The following AUTS2 variants were observed in gnomAD, a reference collection of about 807,000 sequenced individuals.
AUTS2 encodes activator of transcription and developmental regulator AUTS2.
AUTS2 carries 17 observed loss-of-function variants against 112.4 expected under a neutral mutation model. The observed-to-expected ratio is 0.15, with a 90% CI of 0.10 to 0.23. AUTS2 has a LOEUF of 0.23. Ranked by LOEUF, AUTS2 falls within the 10% of genes least tolerant of loss-of-function variation. The probability of loss-of-function intolerance (pLI) is 1.00; values close to 1 mark genes in which losing one functional copy is unlikely to be tolerated. For missense variants in AUTS2, 1,510 were observed against 1,701.6 expected (o/e 0.89, Z 1.98); for synonymous variants, 751 against 702.7 (o/e 1.07, Z -1.09).
intron 1 of AUTS2, among the ~76,000 whole-genome samples, chr7:69,677,519 A>G (rs1453344869): frequency 1.3e-5 from 2 of 152,148 alleles, no homozygotes; most frequent in Non-Finnish European, 2.9e-5. Flanking sequence ...AGGAAAAAAG[A>G]TGGTATCTTG....
chr7:70,686,601 A>G (rs1436348940), intron 5 of AUTS2, among the ~76,000 whole-genome samples: 1 of 151,706 alleles, frequency 6.6e-6, no homozygotes, highest in East Asian at 1.9e-4. Flanking sequence ...CAGTGGCGCA[A>G]TCTCAGCTTA....
chr7:70,110,906 C>CA (rs1353561385), intron 2 of AUTS2, among the ~76,000 whole-genome samples: 14 of 138,572 alleles, frequency 1.0e-4, no homozygotes, highest in African/African-American at 3.3e-4. Context: ...TCTGTCGCCC[C>CA]AGTCGCCCAG....
intron 4 of AUTS2, among the ~76,000 whole-genome samples, chr7:70,366,820 G>A (rs772088282): frequency 6.6e-6 from 1 of 152,178 alleles, no homozygotes. Context: ...TAACCCCAAA[G>A]ACTGCATGGG....
intron 4 of AUTS2, among the ~76,000 whole-genome samples, chr7:70,162,828 A>G (rs1157517116): frequency 6.6e-6 from 1 of 152,232 alleles, no homozygotes; most frequent in Non-Finnish European, 1.5e-5. Context: ...AACATTTGGT[A>G]AACCTCTTTG....
At chr7:69,910,636 T>G (rs1748391918) in intron 2 of AUTS2, among the ~76,000 whole-genome samples, 1 of 152,188 alleles carries the variant, frequency 6.6e-6, no homozygotes, top group Non-Finnish European at 1.5e-5. Flanking sequence ...TATTTTATTT[T>G]TTATTTCTTT....
In AUTS2 at chr7:70,784,695, C is replaced by G. The variant is rs532597100; in HGVS notation, c.2147-247C>G. ...AGAAATACCTGTTTTTGGTGGTGGC[C>G]AGCCACGCTGGGAAAGAGAAAGAGG... On this transcript the variant is annotated intron_variant, in intron 15 of 18. Transcript: ENST00000342771. 1.2e-5 allele frequency: 6 copies of G among 510,876 alleles called. No homozygotes were observed. The South Asian group carries it at 1.5e-4, about 13-fold the overall frequency. 31.6% of individuals were successfully genotyped at this position (510,876 alleles called of 1,614,324 possible).
rs563310457 is a variant in AUTS2, at chr7:70,416,280, A to G, written c.661-19472A>G. Reference sequence around the variant, plus strand: ...AATAGCATAACTACAACAACCCATCACACTTTGGAAATAAATTTGTTTCAT... The same window carrying G: ...AATAGCATAACTACAACAACCCATCGCACTTTGGAAATAAATTTGTTTCAT... On this transcript the variant is annotated intron_variant, in intron 4 of 18. Transcript: ENST00000342771. Among the ~76,000 whole-genome samples the G allele has an allele frequency of 5.9e-5, 9 of 152,272 alleles. No homozygotes were observed. In the East Asian group the frequency reaches 1.7e-3, roughly 29 times the overall value.
rs150899826 is a variant in AUTS2 at position 70,647,394 on chromosome 7, C to T, written c.691-51175C>T. The stretch of plus-strand genomic sequence containing the variant: ...CCTGAATGTGCCTGGACAAGATGAC[C>T]GGTAAAGGCCATTCCAGCTCTCTGT... On this transcript the variant is annotated intron_variant, in intron 5 of 18. Coordinates refer to ENST00000342771, the MANE Select transcript of AUTS2 (RefSeq NM_015570.4). Among the ~76,000 whole-genome samples, 943 of 152,314 alleles carry T rather than the reference C, an allele frequency of 6.2e-3. 7 individuals are homozygous for T. Among genetic ancestry groups the T allele is most frequent in the Non-Finnish European group, 9.8e-3 (669 of 68,036 alleles).
chr7:70,663,944 G>T (rs1807204839), intron 5 of AUTS2, among the ~76,000 whole-genome samples: 1 of 152,188 alleles, frequency 6.6e-6, no homozygotes, highest in Non-Finnish European at 1.5e-5. Flanking sequence ...CACATTGTCA[G>T]TGGTGAATGC....
At position 69,641,779 on chromosome 7, in the gene AUTS2, A is replaced by C. The variant is rs535565047; in HGVS notation, c.309+41817A>C. 5.9e-5 allele frequency among the ~76,000 whole-genome samples: 9 copies of C among 152,354 alleles called. No individual in the cohort carries two copies. The East Asian group carries it at 1.7e-3, about 29-fold the overall frequency. ...ATGTTCCATAGTCATTAGTTTTTAC[A>C]GAACCCTTTTCTTATATTCTGCATT... On this transcript the variant is annotated intron_variant, in intron 1 of 18. Transcript: ENST00000342771.
At chr7:70,035,467 T>G (rs1056702886) in intron 2 of AUTS2, among the ~76,000 whole-genome samples, 6 of 152,242 alleles carry the variant, frequency 3.9e-5, no homozygotes, top group Non-Finnish European at 4.4e-5. Flanking sequence ...GAGGCATTGC[T>G]GTTTTTATCA....
intron 4 of AUTS2, among the ~76,000 whole-genome samples, chr7:70,244,754 G>T (rs1212567436): frequency 6.6e-6 from 1 of 152,172 alleles, no homozygotes. Context: ...AATTTTCGGT[G>T]AAAGGGAATG....
chr7:69,693,571 A>G (rs951115911), intron 1 of AUTS2, among the ~76,000 whole-genome samples: 1 of 152,170 alleles, frequency 6.6e-6, no homozygotes, highest in Admixed American at 6.5e-5. Context: ...TACCTTTAAG[A>G]TTCCTGCATT....
intron 2 of AUTS2, among the ~76,000 whole-genome samples, chr7:69,967,773 G>GGTTCTATGTTAAGTTC (rs1235844733): frequency 6.6e-6 from 1 of 152,074 alleles, no homozygotes; most frequent in Admixed American, 6.6e-5. Flanking sequence ...AAGTCAAGCT[G>GGTTCTATGTTAAGTTC]GTTCTATGTT....
At chr7:70,401,529 T>G (rs1794326501) in intron 4 of AUTS2, among the ~76,000 whole-genome samples, 1 of 152,100 alleles carries the variant, frequency 6.6e-6, no homozygotes, top group Non-Finnish European at 1.5e-5. Context: ...GAGCAAGAAG[T>G]GGGCTGTGAT....
intron 4 of AUTS2, among the ~76,000 whole-genome samples, chr7:70,255,636 C>T (rs537633660): frequency 6.6e-6 from 1 of 152,140 alleles, no homozygotes; most frequent in Admixed American, 6.5e-5. Flanking sequence ...TAGTAATATC[C>T]TTCAAAAGCT....
At chr7:70,552,426 A>G (rs1306326595) in intron 5 of AUTS2, among the ~76,000 whole-genome samples, 1 of 152,172 alleles carries the variant, frequency 6.6e-6, no homozygotes, top group African/African-American at 2.4e-5. Flanking sequence ...AATGAACCCA[A>G]TCAGAGGCAA....
chr7:69,826,346 T>A (rs1328680697), intron 1 of AUTS2, among the ~76,000 whole-genome samples: 1 of 152,230 alleles, frequency 6.6e-6, no homozygotes, highest in African/African-American at 2.4e-5. Context: ...CAAGGTTAAG[T>A]GACCTGCCTA....
intron 2 of AUTS2, among the ~76,000 whole-genome samples, chr7:70,010,346 CT>C (rs1799741220): frequency 6.6e-6 from 1 of 152,278 alleles, no homozygotes; most frequent in Admixed American, 6.5e-5. Flanking sequence ...GGGTCTCACT[CT>C]TTTGTCCAAG....
Sources: allele counts gnomAD v4.1 joint callset (sites outside exome capture counted in the v4.1 genomes callset), GRCh38; gene constraint gnomAD v4.1.1; transcripts MANE v1.5; gene names NCBI Gene and HGNC (gene_info 2026-07-23, HGNC 2026-07-21).